The following KCNQ5 variants were observed in gnomAD, a reference collection of about 807,000 sequenced individuals.
KCNQ5 encodes the protein potassium voltage-gated channel subfamily Q member 5.
KCNQ5 carries 30 observed loss-of-function variants against 98.2 expected under a neutral mutation model. That is an observed-to-expected ratio of 0.31 (90% CI 0.23 to 0.41). KCNQ5 has a LOEUF of 0.41. KCNQ5 is among the 10% of genes least tolerant of loss of function. The probability of loss-of-function intolerance (pLI) is 1.00; values close to 1 mark genes in which losing one functional copy is unlikely to be tolerated. For synonymous variants in KCNQ5, 458 were observed against 449.4 expected, an observed-to-expected ratio of 1.02 and a Z score of -0.24; for missense variants, 835 against 1,182.5, an observed-to-expected ratio of 0.71 and a Z score of 4.31.
rs1379757674 is a variant in KCNQ5 at position 73,003,799 on chromosome 6, A to T, written c.399-109A>T. 6 of 688,954 alleles carry T rather than the reference A, an allele frequency of 8.7e-6. No individual in the cohort carries two copies. The East Asian group carries it at 1.6e-4, about 18-fold the overall frequency. 42.7% of individuals were successfully genotyped at this position (688,954 alleles called of 1,614,324 possible). On this transcript the variant is annotated intron_variant, in intron 1 of 13. Transcript: ENST00000370398. ...TCCCTTCCAGAGTTTTTATGAGTTAATGTGTGCTAATTTAATGGGCCTGGT... is the reference window on the plus strand; with the variant it reads ...TCCCTTCCAGAGTTTTTATGAGTTATTGTGTGCTAATTTAATGGGCCTGGT...
chr6:73,114,993 T>G (rs1165423017), intron 7 of KCNQ5, among the ~76,000 whole-genome samples: 1 of 152,126 alleles, frequency 6.6e-6, no homozygotes, highest in African/African-American at 2.4e-5. Flanking sequence ...TTTACATCTT[T>G]TTAGTGCTCC....
Position 72,873,034 on chromosome 6 carries a change from C to G in KCNQ5, c.399-130874C>G, listed in dbSNP as rs144393480. 6.6e-3 allele frequency among the ~76,000 whole-genome samples: 1,000 copies of G among 152,028 alleles called. 15 individuals are homozygous for G. Among genetic ancestry groups the G allele is most frequent in the African/African-American group, 0.023 (938 of 41,498 alleles). On this transcript the variant is annotated intron_variant, in intron 1 of 13. Transcript: ENST00000370398. ...AGAGTGCTCACATTTTTGTAGCGGC[C>G]CACTAAAGCATTTTATACACTTAGA...
At chr6:72,905,826 T>C (rs1162182830) in intron 1 of KCNQ5, among the ~76,000 whole-genome samples, 1 of 152,176 alleles carries the variant, frequency 6.6e-6, no homozygotes, top group Non-Finnish European at 1.5e-5. Flanking sequence ...GACTCTATGC[T>C]CGTTCTTAAC....
chr6:72,837,369 G>A (rs1476366165), intron 1 of KCNQ5, among the ~76,000 whole-genome samples: 1 of 152,162 alleles, frequency 6.6e-6, no homozygotes, highest in Non-Finnish European at 1.5e-5. Context: ...TATTTGGAAA[G>A]TTGAAGTTAC....
intron 1 of KCNQ5, among the ~76,000 whole-genome samples, chr6:72,967,445 T>G (rs114793984): frequency 0.03 from 4,584 of 152,302 alleles, 78 homozygotes; most frequent in Middle Eastern, 0.082. Context: ...GGTGAAAAGT[T>G]TGGGCATATA....
Position 72,859,620 on chromosome 6 carries a change from G to A in KCNQ5, c.399-144288G>A, listed in dbSNP as rs200385027. ...GAGCCAGGGTCTCACTCTGTCTGTCGCCCAGGCTGAAGTGCAGTGGAGCAA... is the reference window on the plus strand; with the variant it reads ...GAGCCAGGGTCTCACTCTGTCTGTCACCCAGGCTGAAGTGCAGTGGAGCAA... On this transcript the variant is annotated intron_variant, in intron 1 of 13. Transcript: ENST00000370398. 2.9e-5 allele frequency among the ~76,000 whole-genome samples: 4 copies of A among 139,126 alleles called. No homozygotes were observed. The South Asian group carries it at 6.6e-4, about 23-fold the overall frequency. The allele number at this position is 139,126 out of a possible 152,430, so 91.3% of individuals were successfully genotyped here.
chr6:72,695,974 T>C (rs1362338645), intron 1 of KCNQ5, among the ~76,000 whole-genome samples: 2 of 152,190 alleles, frequency 1.3e-5, no homozygotes, highest in African/African-American at 4.8e-5. Context: ...TTCAGCCATA[T>C]TGATGCATGC....
At position 73,073,952 on chromosome 6, in the gene KCNQ5, T is replaced by G. The variant is rs958477184; in HGVS notation, c.617-3370T>G. Among the ~76,000 whole-genome samples the G allele has an allele frequency of 3.3e-5, 5 of 152,228 alleles. No homozygotes were observed. The South Asian group carries it at 8.3e-4, about 25-fold the overall frequency. The stretch of plus-strand genomic sequence containing the variant: ...GATAGCTATAACAATTATGTTGCTA[T>G]AGAATTCAGTGCTAGAAATTGAAGT... On this transcript the variant is annotated intron_variant, in intron 3 of 13. Transcript: ENST00000370398.
In KCNQ5 at chr6:73,100,370, A is replaced by G. The variant is rs1023233742; in HGVS notation, c.919-4887A>G. The stretch of plus-strand genomic sequence containing the variant: ...TAAATGAAATTGAAACAAAGAAAAT[A>G]CAAAAGATTAACAAGGCCAGGCACT... On this transcript the variant is annotated intron_variant, in intron 5 of 13. Coordinates refer to ENST00000370398, the MANE Select transcript of KCNQ5 (RefSeq NM_019842.4). 3.9e-5 allele frequency among the ~76,000 whole-genome samples: 6 copies of G among 152,316 alleles called. No homozygotes were observed. The South Asian group carries it at 1.2e-3, about 32-fold the overall frequency.
chr6:72,856,689 G>A (rs370065905), intron 1 of KCNQ5, among the ~76,000 whole-genome samples: 2 of 152,032 alleles, frequency 1.3e-5, no homozygotes, highest in Admixed American at 6.6e-5. Flanking sequence ...TACTGAATAC[G>A]GCTAATAATT....
At chr6:72,686,838 T>C (rs1038311009) in intron 1 of KCNQ5, among the ~76,000 whole-genome samples, 1 of 151,888 alleles carries the variant, frequency 6.6e-6, no homozygotes, top group Non-Finnish European at 1.5e-5. Flanking sequence ...CTTCTTTTAA[T>C]GTTACTCAGG....
intron 1 of KCNQ5, among the ~76,000 whole-genome samples, chr6:72,977,262 G>A (rs1185214220): frequency 1.3e-5 from 2 of 152,206 alleles, no homozygotes; most frequent in African/African-American, 4.8e-5. Context: ...GTATGAGCTT[G>A]GGGATCAGCT....
At chr6:72,837,372 G>A (rs1256025346) in intron 1 of KCNQ5, among the ~76,000 whole-genome samples, 1 of 152,180 alleles carries the variant, frequency 6.6e-6, no homozygotes, top group Non-Finnish European at 1.5e-5. Flanking sequence ...TTGGAAAGTT[G>A]AAGTTACTTG....
chr6:72,980,277 A>G (rs966832922), intron 1 of KCNQ5, among the ~76,000 whole-genome samples: 1 of 152,138 alleles, frequency 6.6e-6, no homozygotes, highest in Non-Finnish European at 1.5e-5. Flanking sequence ...CGGTATGGCC[A>G]TTTTCACAAT....
chr6:72,967,016 T>C (rs1767652642), intron 1 of KCNQ5, among the ~76,000 whole-genome samples: 1 of 152,206 alleles, frequency 6.6e-6, no homozygotes. Flanking sequence ...ATACTCAAGA[T>C]ACAATATTTT....
At chr6:72,890,763 C>A (rs1422846121) in intron 1 of KCNQ5, among the ~76,000 whole-genome samples, 1 of 152,148 alleles carries the variant, frequency 6.6e-6, no homozygotes, top group Non-Finnish European at 1.5e-5. Flanking sequence ...TTTGCAAAAG[C>A]CCCACATCAC....
chr6:72,837,727 G>C (rs1776568470), intron 1 of KCNQ5, among the ~76,000 whole-genome samples: 1 of 151,984 alleles, frequency 6.6e-6, no homozygotes, highest in South Asian at 2.1e-4. Flanking sequence ...GAGAAGTCAT[G>C]TTATATGTTT....
chr6:72,867,578 G>A (rs368139161), intron 1 of KCNQ5, among the ~76,000 whole-genome samples: 10 of 152,258 alleles, frequency 6.6e-5, no homozygotes, highest in African/African-American at 2.4e-4. Context: ...TATAGTTGAA[G>A]GAACTCAAGA....
chr6:72,662,583 C>G (rs530085126), intron 1 of KCNQ5, among the ~76,000 whole-genome samples: 1 of 148,346 alleles, frequency 6.7e-6, no homozygotes, highest in South Asian at 2.3e-4. Flanking sequence ...ACATCAAAAA[C>G]TCAGGTTAAC....
Sources: gnomAD v4.1 joint callset for allele counts (sites outside exome capture counted in the v4.1 genomes callset) on GRCh38, gnomAD v4.1.1 for gene constraint, MANE v1.5 for transcripts, NCBI Gene and HGNC (gene_info 2026-07-23, HGNC 2026-07-21) for gene names.